The following CDH23 variants were observed in gnomAD, a reference collection of about 807,000 sequenced individuals.
The protein encoded by CDH23 is cadherin-23.
Under a neutral mutation model 317.1 loss-of-function variants are expected in CDH23, and 189 were observed. The ratio of observed to expected loss-of-function variants is 0.60; its 90% CI spans 0.53 to 0.67. The LOEUF (loss-of-function observed/expected upper bound fraction) is 0.67. Ranked by LOEUF, CDH23 falls within the 30% of genes least tolerant of loss-of-function variation. The pLI is 0.00. For synonymous variants in CDH23, 1,839 were observed against 1,876.8 expected (o/e 0.98, Z 0.52); for missense variants, 4,401 against 4,592.4 (o/e 0.96, Z 1.20).
In CDH23 at chr10:71,812,546, G is replaced by T. The variant is rs761482604; in HGVS notation, c.9447G>T (p.Glu3149Asp). 25 of 1,613,718 alleles carry T rather than the reference G, an allele frequency of 1.5e-5. 1 individual carries two copies. In the East Asian group the frequency reaches 1.6e-4, roughly 10 times the overall value. Residue 3149 changes from glutamate to aspartate, a missense_variant, in exon 67 of 70, where the codon GAG becomes GAT. This residue lies in a region of CDH23 where 1,144 missense variants were observed against 1,138.2 expected (regional missense o/e 1.01). Coordinates refer to ENST00000224721, the MANE Select transcript of CDH23 (RefSeq NM_022124.6). The stretch of plus-strand genomic sequence containing the variant: ...AGCTGGCCGCCCAGGCGGAGCATGA[G>T]GATGACCTACCGGAGAACCTGAGTG... ...NLELAAQAEHEDDLPENLSEI... is the reference protein window; with the variant it reads ...NLELAAQAEHDDDLPENLSEI...
At chr10:71,469,732 A>G (rs1410528763) in intron 3 of CDH23, among the ~76,000 whole-genome samples, 1 of 152,108 alleles carries the variant, frequency 6.6e-6, no homozygotes, top group Non-Finnish European at 1.5e-5. Flanking sequence ...CAGCCTCCCA[A>G]GTAACTTGGA....
intron 3 of CDH23, among the ~76,000 whole-genome samples, chr10:71,478,875 G>A (rs1245202221): frequency 8.5e-5 from 13 of 152,298 alleles, no homozygotes; most frequent in Non-Finnish European, 1.6e-4. Context: ...CCAAAAACAA[G>A]GTCTTTTCTT....
intron 11 of CDH23, among the ~76,000 whole-genome samples, chr10:71,628,838 A>G (rs964300473): frequency 6.6e-6 from 1 of 152,220 alleles, no homozygotes; most frequent in African/African-American, 2.4e-5. Flanking sequence ...ACAGGTTTAC[A>G]TCCCAGGTTG....
chr10:71,514,144 C>G (rs971430939), intron 6 of CDH23, among the ~76,000 whole-genome samples: 13 of 152,110 alleles, frequency 8.5e-5, no homozygotes, highest in Admixed American at 6.5e-4. Flanking sequence ...AGGACCACTT[C>G]TCTCCAGCCA....
In CDH23 at chr10:71,793,233, G is replaced by C. The variant is rs1422863003; in HGVS notation, c.6305G>C (p.Gly2102Ala). 6.2e-7 allele frequency: 1 copy of C among 1,613,842 alleles called. No individual in the cohort carries two copies. Among genetic ancestry groups the C allele is most frequent in the Non-Finnish European group, 8.5e-7 (1 of 1,179,870 alleles). The change falls in exon 48 of 70, where the codon GGG becomes GCG. Residue 2102 changes from glycine to alanine, a missense_variant. Physicochemically the swap from Gly to Ala is moderately conservative, Grantham distance 60. Transcript: ENST00000224721. ...ACAGATGAGGACAGTGGCCTCAATGGGGAGCTGGTCTACCGAATAGAAGCT... is the reference window on the plus strand; with the variant it reads ...ACAGATGAGGACAGTGGCCTCAATGCGGAGCTGGTCTACCGAATAGAAGCT... The part of the protein sequence containing the change: ...TATDEDSGLN[G>A]ELVYRIEAGA...
At chr10:71,418,299 T>G (rs1589280627) in intron 1 of CDH23, among the ~76,000 whole-genome samples, 1 of 152,214 alleles carries the variant, frequency 6.6e-6, no homozygotes, top group East Asian at 1.9e-4. Context: ...TCAGGGAAGA[T>G]TCATTGTATC....
chr10:71,610,500 T>C (rs1281055218), intron 9 of CDH23, among the ~76,000 whole-genome samples: 1 of 152,238 alleles, frequency 6.6e-6, no homozygotes, highest in Non-Finnish European at 1.5e-5. Flanking sequence ...GGCCACTTGC[T>C]AGCCATGTGA....
At chr10:71,650,171 CA>C (rs1159272033) in intron 14 of CDH23, among the ~76,000 whole-genome samples, 2 of 152,240 alleles carry the variant, frequency 1.3e-5, no homozygotes, top group Non-Finnish European at 2.9e-5. Context: ...CCTGTGGCAC[CA>C]CCAGGTGAAT....
rs191000313 is a variant in CDH23 at position 71,596,891 on chromosome 10, G to A, written c.833-18613G>A. 1.8e-3 allele frequency among the ~76,000 whole-genome samples: 268 copies of A among 151,540 alleles called. 6 individuals carry two copies. The highest frequency in any genetic ancestry group is 0.016 in the Admixed American group (241 of 15,250). On this transcript the variant is annotated intron_variant, in intron 9 of 69. Coordinates refer to ENST00000224721, the MANE Select transcript of CDH23 (RefSeq NM_022124.6). ...GCCCCAGGGCCTGCCTCCCAGCCCCGGTCCCCACCTCCCCGCTGCCCGGCA... is the reference window on the plus strand; with the variant it reads ...GCCCCAGGGCCTGCCTCCCAGCCCCAGTCCCCACCTCCCCGCTGCCCGGCA...
chr10:71,795,745 A>G, intron 48 of CDH23: 1 of 709,520 alleles, frequency 1.4e-6, no homozygotes, highest in Non-Finnish European at 1.6e-6. Flanking sequence ...AGTCCCCACC[A>G]TCCTCCCTGC....
At chr10:71,475,673 C>T (rs1851757104) in intron 3 of CDH23, among the ~76,000 whole-genome samples, 1 of 152,200 alleles carries the variant, frequency 6.6e-6, no homozygotes, top group Non-Finnish European at 1.5e-5. Context: ...CTGGCTTTGC[C>T]TGAGCAGGGA....
intron 23 of CDH23, 67 bp downstream of exon 23, chr10:71,702,278 C>T (rs1865619549): frequency 6.5e-7 from 1 of 1,536,010 alleles, no homozygotes. Flanking sequence ...GTGACTGGGC[C>T]TCTGGGGTAC....
intron 44 of CDH23, among the ~76,000 whole-genome samples, chr10:71,786,454 G>A (rs1841107817): frequency 6.7e-6 from 1 of 148,632 alleles, no homozygotes; most frequent in Non-Finnish European, 1.5e-5. Context: ...TAAGCTACAT[G>A]CCCCTCCCAT....
chr10:71,452,490 C>T (rs1053752881), intron 3 of CDH23, among the ~76,000 whole-genome samples: 15 of 152,280 alleles, frequency 9.9e-5, no homozygotes, highest in Non-Finnish European at 1.5e-4. Context: ...CATGCTGTTT[C>T]CTTGGCCAGG....
chr10:71,564,039 A>G (rs1048376117), intron 6 of CDH23, among the ~76,000 whole-genome samples: 2 of 152,224 alleles, frequency 1.3e-5, no homozygotes, highest in African/African-American at 4.8e-5. Flanking sequence ...AAGAGGTTTA[A>G]CAGCATATGT....
intron 1 of CDH23, among the ~76,000 whole-genome samples, chr10:71,436,566 G>C (rs925446290): frequency 6.6e-6 from 1 of 152,196 alleles, no homozygotes; most frequent in African/African-American, 2.4e-5. Flanking sequence ...TGACCTCTCT[G>C]AGCCTCAATG....
intron 24 of CDH23, 60 bp downstream of exon 24, chr10:71,702,754 C>G: frequency 6.3e-7 from 1 of 1,599,008 alleles, no homozygotes; most frequent in Non-Finnish European, 8.6e-7. Context: ...GCCTGAGGAG[C>G]CTAGCCCAGG....
At chr10:71,794,641 T>C (rs1841354174) in intron 48 of CDH23, 1 of 152,132 alleles carries the variant, frequency 6.6e-6, no homozygotes, top group Non-Finnish European at 1.5e-5. Flanking sequence ...AAGATATCAG[T>C]TTTTCACACG....
Position 71,705,137 on chromosome 10 carries a change from G to A in CDH23, c.2953+7G>A, listed in dbSNP as rs780448097. On this transcript the variant is annotated splice_region_variant and intron_variant, in intron 25 of 69. Coordinates refer to ENST00000224721, the MANE Select transcript of CDH23 (RefSeq NM_022124.6). ...AGCACGCTCACCATCCATGGTGAGG[G>A]GGCGCAGGGGCTTCTGCTGTGTGCT... 1 of 1,605,922 alleles carries A rather than the reference G, an allele frequency of 6.2e-7. No homozygotes were observed. Among genetic ancestry groups the A allele is most frequent in the South Asian group, 1.1e-5 (1 of 90,716 alleles).
Sources: allele counts gnomAD v4.1 joint callset (sites outside exome capture counted in the v4.1 genomes callset), GRCh38; gene constraint gnomAD v4.1.1; regional missense constraint gnomAD v4.1.1; transcripts MANE v1.5; gene names NCBI Gene and HGNC (gene_info 2026-07-23, HGNC 2026-07-21).